Variants in CDH11 observed in about 807,000 individuals in gnomAD.
The protein encoded by CDH11 is cadherin 11, also known as cadherin-11.
Under a neutral mutation model 67.8 loss-of-function variants are expected in CDH11, and 11 were observed. That is an observed-to-expected ratio of 0.16 (90% CI 0.10 to 0.27). The LOEUF (loss-of-function observed/expected upper bound fraction) is 0.27, where lower values mean the gene tolerates loss of function less well. Ranked by LOEUF, CDH11 falls within the 10% of genes least tolerant of loss-of-function variation. The pLI, the probability that CDH11 is intolerant of heterozygous loss-of-function variation, is 1.00. For synonymous variants in CDH11, 419 were observed against 400.0 expected (o/e 1.05, Z -0.57); for missense variants, 847 against 1,031.2 (o/e 0.82, Z 2.45).
At chr16:64,999,585 G>A (rs972539407) in intron 3 of CDH11, among the ~76,000 whole-genome samples, 17 of 152,004 alleles carry the variant, frequency 1.1e-4, no homozygotes, top group African/African-American at 4.1e-4. Flanking sequence ...CCAGGCTGGA[G>A]CGCAATGGCA....
At chr16:65,033,768 A>AAAATAAAATAAAATC (rs2073696121) in intron 2 of CDH11, among the ~76,000 whole-genome samples, 2 of 151,848 alleles carry the variant, frequency 1.3e-5, no homozygotes, top group African/African-American at 4.8e-5. Context: ...AAAATAAAAT[A>AAAATAAAATAAAATC]GTTTAGCACC....
intron 1 of CDH11, among the ~76,000 whole-genome samples, chr16:65,097,444 C>G (rs1307971281): frequency 6.6e-6 from 1 of 152,212 alleles, no homozygotes; most frequent in Non-Finnish European, 1.5e-5. Flanking sequence ...AGCCTCAGCA[C>G]TATTGGCACT....
At chr16:65,119,330 A>G (rs781396002) in intron 1 of CDH11, among the ~76,000 whole-genome samples, 3 of 152,144 alleles carry the variant, frequency 2.0e-5, no homozygotes, top group Non-Finnish European at 4.4e-5. Context: ...ACCACTCTAC[A>G]GAGGGAACAT....
intron 2 of CDH11, among the ~76,000 whole-genome samples, chr16:65,034,185 AAGG>A (rs2142634343): frequency 1.3e-5 from 2 of 152,282 alleles, no homozygotes; most frequent in Admixed American, 1.3e-4. Flanking sequence ...ATGTAGACAA[AAGG>A]AGGAGGCCAA....
intron 7 of CDH11, among the ~76,000 whole-genome samples, chr16:64,984,456 C>T (rs2072434251): frequency 6.6e-6 from 1 of 152,166 alleles, no homozygotes; most frequent in Non-Finnish European, 1.5e-5. Flanking sequence ...GGTAGTTTCC[C>T]ATGTGAACAT....
intron 1 of CDH11, among the ~76,000 whole-genome samples, chr16:65,073,004 G>C (rs2074444348): frequency 6.6e-6 from 1 of 152,188 alleles, no homozygotes; most frequent in Non-Finnish European, 1.5e-5. Flanking sequence ...ATCATCATTA[G>C]TGTGATCTAT....
At chr16:64,957,600 GCA>G (rs66508762) in intron 11 of CDH11, among the ~76,000 whole-genome samples, 53,154 of 144,904 alleles carry the variant, frequency 0.37, 10,864 homozygotes, top group Admixed American at 0.47. Flanking sequence ...ACATGCCCGT[GCA>G]CACACACACA....
At chr16:64,979,421 T>G (rs2072266849) in intron 8 of CDH11, among the ~76,000 whole-genome samples, 1 of 152,180 alleles carries the variant, frequency 6.6e-6, no homozygotes, top group Admixed American at 6.5e-5. Context: ...CACTCCAGCC[T>G]GGGCGACAGA....
At chr16:65,055,876 C>A (rs1199592428) in intron 1 of CDH11, among the ~76,000 whole-genome samples, 2 of 152,104 alleles carry the variant, frequency 1.3e-5, no homozygotes, top group African/African-American at 4.8e-5. Context: ...GAGGTGGGGC[C>A]TATGGGAGGT....
In CDH11 at chr16:64,971,916, G is replaced by C; in HGVS notation, c.1524+15C>G. 6.2e-7 allele frequency: 1 copy of C among 1,613,544 alleles called. No individual in the cohort carries two copies. Among genetic ancestry groups the C allele is most frequent in the Non-Finnish European group, 8.5e-7 (1 of 1,179,624 alleles). ...GTGCATTGTTCCTAGCCAAGAATAGGGAAAGCAGGATTACCTGGTTGGAAA... is the reference window on the plus strand; with the variant it reads ...GTGCATTGTTCCTAGCCAAGAATAGCGAAAGCAGGATTACCTGGTTGGAAA... On this transcript the variant is annotated intron_variant, in intron 10 of 12. Transcript: ENST00000268603.
At chr16:65,065,755 C>A (rs2074303290) in intron 1 of CDH11, among the ~76,000 whole-genome samples, 1 of 152,154 alleles carries the variant, frequency 6.6e-6, no homozygotes, top group Admixed American at 6.5e-5. Flanking sequence ...GAGAGCAAGC[C>A]CCTCTTTCAC....
chr16:65,064,462 A>G (rs2074282061), intron 1 of CDH11, among the ~76,000 whole-genome samples: 1 of 152,238 alleles, frequency 6.6e-6, no homozygotes, highest in Non-Finnish European at 1.5e-5. Context: ...AAGACTCAAC[A>G]TAAAGAAATT....
At chr16:64,982,386 T>A in intron 7 of CDH11, 85 bp from the exon 8 acceptor site, 1 of 978,248 alleles carries the variant, frequency 1.0e-6, no homozygotes. Context: ...TAGGGACGAG[T>A]GAATATTCCT....
intron 11 of CDH11, among the ~76,000 whole-genome samples, chr16:64,966,509 C>G (rs1350261864): frequency 1.3e-5 from 2 of 151,412 alleles, no homozygotes; most frequent in Non-Finnish European, 3.0e-5. Context: ...AATATGATAC[C>G]AGTAAATAGA....
At chr16:65,022,559 TC>T (rs1208267190) in intron 2 of CDH11, among the ~76,000 whole-genome samples, 2 of 152,286 alleles carry the variant, frequency 1.3e-5, no homozygotes, top group African/African-American at 4.8e-5. Flanking sequence ...CCCTGAAAAT[TC>T]CCACCTTCTG....
chr16:65,028,971 T>C (rs780834691), intron 2 of CDH11, among the ~76,000 whole-genome samples: 54 of 152,284 alleles, frequency 3.5e-4, no homozygotes, highest in Admixed American at 1.6e-3. Flanking sequence ...CCAGCAGGCA[T>C]ACTTTCAGTT....
At chr16:65,004,292 G>C (rs1005696257) in intron 3 of CDH11, among the ~76,000 whole-genome samples, 1 of 152,152 alleles carries the variant, frequency 6.6e-6, no homozygotes, top group African/African-American at 2.4e-5. Context: ...AGGATCCCTT[G>C]AGCCCAGGAG....
At position 65,045,551 on chromosome 16, in the gene CDH11, C is replaced by T. The variant is rs1203617464; in HGVS notation, c.-173+8253G>A. Among the ~76,000 whole-genome samples the T allele has an allele frequency of 3.3e-5, 5 of 151,542 alleles. No individual in the cohort carries two copies. In the East Asian group the frequency reaches 9.8e-4, roughly 30 times the overall value. ...CTCAGCAGACACAATTAATTGGTGG[C>T]AGATTTTAGTATAGCTCGTTCCCTT... On this transcript the variant is annotated intron_variant, in intron 2 of 12. Transcript: ENST00000268603.
intron 2 of CDH11, among the ~76,000 whole-genome samples, chr16:65,028,169 A>C (rs1023071024): frequency 6.6e-6 from 1 of 152,110 alleles, no homozygotes; most frequent in Admixed American, 6.5e-5. Context: ...TTTCCTGGGA[A>C]ACCCACTGTC....
Sources: allele counts gnomAD v4.1 joint callset (sites outside exome capture counted in the v4.1 genomes callset), GRCh38; gene constraint gnomAD v4.1.1; transcripts MANE v1.5; gene names NCBI Gene and HGNC (gene_info 2026-07-23, HGNC 2026-07-21).